The following STK4 variants were observed in gnomAD, a reference collection of about 807,000 sequenced individuals.
STK4 encodes the protein serine/threonine kinase 4.
A neutral mutation model predicts 64.9 loss-of-function variants in STK4; 30 were observed. The ratio of observed to expected loss-of-function variants is 0.46; its 90% CI spans 0.35 to 0.63. The LOEUF is 0.63. Among genes scored for constraint, STK4 ranks in the 20% least tolerant of loss-of-function variants. The pLI, the probability that STK4 is intolerant of heterozygous loss-of-function variation, is 0.01. For missense variants in STK4, 466 were observed against 598.5 expected (o/e 0.78, Z 2.31); for synonymous variants, 177 against 199.0 (o/e 0.89, Z 0.93).
chr20:44,982,465 A>G (rs1281488039), intron 4 of STK4, among the ~76,000 whole-genome samples: 1 of 152,022 alleles, frequency 6.6e-6, no homozygotes, highest in Non-Finnish European at 1.5e-5. Flanking sequence ...AATTTAGTCC[A>G]GTGATTTTTA....
chr20:45,000,873 C>T (rs561189318), intron 8 of STK4, among the ~76,000 whole-genome samples: 15 of 152,280 alleles, frequency 9.9e-5, no homozygotes, highest in African/African-American at 3.4e-4. Context: ...TAGACTTCTT[C>T]ACAACCCTGA....
intron 7 of STK4, 129 bp downstream of exon 7, chr20:44,997,435 T>C: frequency 8.5e-7 from 1 of 1,175,532 alleles, no homozygotes; most frequent in Non-Finnish European, 1.2e-6. Context: ...CTCACGCCTG[T>C]AATCGTAGCA....
At position 45,078,254 on chromosome 20, in the gene STK4, G is replaced by A. The variant is rs1980670413; in HGVS notation, c.*3078G>A. ...AGAGTCTCACTCTGTTGCCCAGGCT[G>A]GAGTGCAGTGGCGCCATCTCGGCTC... is the stretch of plus-strand genomic sequence containing the variant. On this transcript the variant is annotated 3_prime_UTR_variant, in exon 11 of 11. Coordinates refer to ENST00000372806, the MANE Select transcript of STK4 (RefSeq NM_006282.5). 6.8e-6 allele frequency: 1 copy of A among 147,174 alleles called. No homozygotes were observed. The highest frequency in any genetic ancestry group is 6.8e-5 in the Admixed American group (1 of 14,610). The allele number at this position is 147,174 out of a possible 1,614,324, so 9.1% of individuals were successfully genotyped here. A position where few individuals can be genotyped will look rare whatever the true frequency, so the allele number is the denominator to read the frequency against.
intron 10 of STK4, among the ~76,000 whole-genome samples, chr20:45,039,298 G>A (rs2145415467): frequency 6.6e-6 from 1 of 152,054 alleles, no homozygotes. Context: ...CTAAATGTTG[G>A]CACATTTCAT....
chr20:45,025,308 T>A (rs2068325467), intron 10 of STK4, among the ~76,000 whole-genome samples, 178 bp downstream of exon 10: 1 of 152,230 alleles, frequency 6.6e-6, no homozygotes, highest in Non-Finnish European at 1.5e-5. Flanking sequence ...GGTCCCTGAT[T>A]AGTGGCATCT....
intron 5 of STK4, among the ~76,000 whole-genome samples, chr20:44,992,533 C>T (rs1184186573): frequency 3.3e-5 from 5 of 151,144 alleles, no homozygotes; most frequent in Admixed American, 2.6e-4. Flanking sequence ...TAAGCCAGCA[C>T]ACCTGCTCTG....
At chr20:44,978,302 T>C (rs1354989636) in intron 2 of STK4, 141 bp from the exon 3 acceptor site, 1 of 1,013,512 alleles carries the variant, frequency 9.9e-7, no homozygotes, top group Non-Finnish European at 1.4e-6. Flanking sequence ...AAAAGTATTT[T>C]AGCTATCTTA....
intron 10 of STK4, among the ~76,000 whole-genome samples, chr20:45,030,559 C>A (rs980878138): frequency 6.6e-6 from 1 of 152,110 alleles, no homozygotes; most frequent in Admixed American, 6.5e-5. Context: ...TCAGGAGTAG[C>A]CGAATTTTGT....
At position 45,000,529 on chromosome 20, in the gene STK4, C is replaced by T; in HGVS notation, c.960+9C>T. On this transcript the variant is annotated intron_variant, in intron 8 of 10. Coordinates refer to ENST00000372806, the MANE Select transcript of STK4 (RefSeq NM_006282.5). Reference sequence around the variant, plus strand: ...ACGATGAAGAAAACTCAGTGAGTGGCAGCCGTTGCTGTGGGCCTCAGACAT... The same window carrying T: ...ACGATGAAGAAAACTCAGTGAGTGGTAGCCGTTGCTGTGGGCCTCAGACAT... 1 of 1,613,710 alleles carries T rather than the reference C, an allele frequency of 6.2e-7. No individual in the cohort carries two copies. Among genetic ancestry groups the T allele is most frequent in the Non-Finnish European group, 8.5e-7 (1 of 1,179,764 alleles).
In STK4 at chr20:45,018,202, AGTTGTTGTTGTT is replaced by A. The variant is rs555205856; in HGVS notation, c.1148-6755_1148-6744del. 5.3e-3 allele frequency among the ~76,000 whole-genome samples: 813 copies of A among 152,034 alleles called. 8 individuals are homozygous for A. The highest frequency in any genetic ancestry group is 0.017 in the African/African-American group (717 of 41,498). On this transcript the variant is annotated intron_variant, in intron 9 of 10. Coordinates refer to ENST00000372806, the MANE Select transcript of STK4 (RefSeq NM_006282.5). ...AGGAAAACATTTGCAGGATTACCAGAGTTGTTGTTGTTGTTGTTGTTGTTGTTTTTCCTGCAA... is the reference window on the plus strand; with the variant it reads ...AGGAAAACATTTGCAGGATTACCAGAGTTGTTGTTGTTGTTTTTCCTGCAA...
intron 10 of STK4, among the ~76,000 whole-genome samples, chr20:45,033,493 G>T (rs372177951): frequency 1.3e-5 from 2 of 152,038 alleles, no homozygotes; most frequent in African/African-American, 4.8e-5. Context: ...TTTGCATATG[G>T]CTAGCCAGTT....
At chr20:45,017,655 T>A (rs1026717618) in intron 9 of STK4, among the ~76,000 whole-genome samples, 5 of 152,138 alleles carry the variant, frequency 3.3e-5, no homozygotes, top group African/African-American at 1.2e-4. Context: ...TAAAATGGAG[T>A]TTCAAAAGAC....
intron 3 of STK4, 151 bp downstream of exon 3, chr20:44,978,722 TATG>T: frequency 1.1e-6 from 1 of 913,084 alleles, no homozygotes. Flanking sequence ...CAGAAAAAAA[TATG>T]ATGATAATGG....
intron 9 of STK4, among the ~76,000 whole-genome samples, chr20:45,013,585 A>G (rs1347160955): frequency 6.6e-6 from 1 of 152,206 alleles, no homozygotes; most frequent in African/African-American, 2.4e-5. Flanking sequence ...TTTTTAATTT[A>G]TAGAATTGTG....
At chr20:44,999,671 C>CT (rs1228622984) in intron 7 of STK4, among the ~76,000 whole-genome samples, 1 of 152,124 alleles carries the variant, frequency 6.6e-6, no homozygotes, top group Non-Finnish European at 1.5e-5. Context: ...TTTCAAGTAT[C>CT]TTTGGTGATT....
intron 7 of STK4, among the ~76,000 whole-genome samples, chr20:44,997,955 C>T (rs2067765614): frequency 6.6e-6 from 1 of 152,048 alleles, no homozygotes; most frequent in Non-Finnish European, 1.5e-5. Context: ...AAAATGGAAA[C>T]TTAGGGAGGT....
At chr20:44,992,755 C>CGCAATCT (rs1457676763) in intron 5 of STK4, among the ~76,000 whole-genome samples, 3 of 152,028 alleles carry the variant, frequency 2.0e-5, no homozygotes, top group East Asian at 1.9e-4. Context: ...AGGACAGTAG[C>CGCAATCT]GCAATCTTGG....
intron 10 of STK4, among the ~76,000 whole-genome samples, chr20:45,025,765 T>C (rs117078695): frequency 0.011 from 1,663 of 152,308 alleles, 20 homozygotes; most frequent in Non-Finnish European, 0.018. Flanking sequence ...GATTTTTCTC[T>C]TCAGGAGCTT....
At chr20:45,016,231 A>G (rs1815334053) in intron 9 of STK4, among the ~76,000 whole-genome samples, 2 of 152,228 alleles carry the variant, frequency 1.3e-5, no homozygotes, top group South Asian at 4.1e-4. Context: ...CCAGAATACA[A>G]GGTGACGGAT....
Sources: allele counts gnomAD v4.1 joint callset (sites outside exome capture counted in the v4.1 genomes callset), GRCh38; gene constraint gnomAD v4.1.1; transcripts MANE v1.5; gene names NCBI Gene and HGNC (gene_info 2026-07-23, HGNC 2026-07-21).